Variants in NOTCH3 observed in about 807,000 individuals in gnomAD.
NOTCH3 encodes the protein neurogenic locus notch homolog protein 3.
A neutral mutation model predicts 213.3 loss-of-function variants in NOTCH3; 86 were observed. The observed-to-expected ratio is 0.40, with a 90% CI of 0.34 to 0.48. The LOEUF (loss-of-function observed/expected upper bound fraction) is 0.48, where lower values mean the gene tolerates loss of function less well. Among genes scored for constraint, NOTCH3 ranks in the 20% least tolerant of loss-of-function variants. NOTCH3 has a pLI of 0.57. For missense variants in NOTCH3, 2,783 were observed against 3,272.6 expected (o/e 0.85, Z 3.65); for synonymous variants, 1,354 against 1,355.9 (o/e 1.00, Z 0.03).
At chr19:15,167,639 C>T (rs972392146) in intron 28 of NOTCH3, among the ~76,000 whole-genome samples, 8 of 152,114 alleles carry the variant, frequency 5.3e-5, no homozygotes, top group South Asian at 2.1e-4. Context: ...CTGCAACCCC[C>T]GCCTCCCGGG....
At position 15,170,844 on chromosome 19, in the gene NOTCH3, G is replaced by C. The variant is rs180755159; in HGVS notation, c.4737-19C>G. The C allele has an allele frequency of 1.2e-6, 2 of 1,612,210 alleles. No individual in the cohort carries two copies. The highest frequency in any genetic ancestry group is 1.1e-5 in the South Asian group (1 of 90,740). On this transcript the variant is annotated intron_variant, in intron 25 of 32. Transcript: ENST00000263388. ...TACCGAGCTGCAGGGACAGCAGGGA[G>C]GGACCAGAGGGCTCAAAAATTGCCC...
Position 15,180,197 on chromosome 19 carries a change from G to A in NOTCH3, c.3202C>T (p.His1068Tyr), listed in dbSNP as rs974250630. 4.3e-6 allele frequency: 7 copies of A among 1,613,752 alleles called. No individual in the cohort carries two copies. Among genetic ancestry groups the A allele is most frequent in the East Asian group, 2.2e-5 (1 of 44,884 alleles). ...CGGCCCTCTGGGCACACGCAGTAGT[G>A]GGAGCTGTCTTCATCCACACACTGC... is the stretch of plus-strand genomic sequence containing the variant. ...GGQCVDEDSS[H>Y]YCVCPEGRTG... The change falls in exon 20 of 33, where the codon CAC becomes TAC. Residue 1068 changes from histidine to tyrosine, a missense_variant. Transcript: ENST00000263388.
At position 15,161,644 on chromosome 19, in the gene NOTCH3, A is replaced by G; in HGVS notation, c.5984T>C (p.Phe1995Ser). ...GTGGTCGGTGATCTCACGGTTGGCA[A>G]AGTGGTCCAACAGCAGCTTGGCAGC... ...YEAAKLLLDH[F>S]ANREITDHLD... Residue 1995 changes from phenylalanine (F) to serine (S), a missense_variant, in exon 33 of 33, where the codon TTT becomes TCT. This residue lies in a region of NOTCH3 where 636 missense variants were observed against 801.8 expected (regional missense o/e 0.79). Coordinates refer to ENST00000263388, the MANE Select transcript of NOTCH3 (RefSeq NM_000435.3). 6.2e-7 allele frequency: 1 copy of G among 1,613,856 alleles called. No individual in the cohort carries two copies. Among genetic ancestry groups the G allele is most frequent in the Non-Finnish European group, 8.5e-7 (1 of 1,179,920 alleles).
chr19:15,173,332 G>A (rs191512944), intron 25 of NOTCH3, among the ~76,000 whole-genome samples: 3,595 of 143,304 alleles, frequency 0.025, 143 homozygotes, highest in African/African-American at 0.088. Flanking sequence ...TGAGGCAGGA[G>A]AATGGCATGA....
Position 15,184,786 on chromosome 19 carries a change from G to C in NOTCH3, c.2410+120C>G. 9 of 661,208 alleles carry C rather than the reference G, an allele frequency of 1.4e-5. No individual in the cohort carries two copies. The South Asian group carries it at 1.6e-4, about 12-fold the overall frequency. The allele number at this position is 661,208 out of a possible 1,614,324, so 41.0% of individuals were successfully genotyped here. On this transcript the variant is annotated intron_variant, in intron 15 of 32. Transcript: ENST00000263388. Reference sequence around the variant, plus strand: ...TGTCCAGCTCTGTCCTTCCAAGAAGGAAGCCCCTCTCAAAGGCAGGGCTGG... The same window carrying C: ...TGTCCAGCTCTGTCCTTCCAAGAAGCAAGCCCCTCTCAAAGGCAGGGCTGG...
rs542336331 is a variant in NOTCH3, at chr19:15,190,983, A to C, written c.1036+441T>G. On this transcript the variant is annotated intron_variant, in intron 6 of 32. Coordinates refer to ENST00000263388, the MANE Select transcript of NOTCH3 (RefSeq NM_000435.3). ...CGATCCTCCCATCTTGGCCTCCCAAAGTGCTGGGATTACAGGCATGAGCCA... is the reference window on the plus strand; with the variant it reads ...CGATCCTCCCATCTTGGCCTCCCAACGTGCTGGGATTACAGGCATGAGCCA... Among the ~76,000 whole-genome samples, 9 of 151,982 alleles carry C rather than the reference A, an allele frequency of 5.9e-5. No homozygotes were observed. The East Asian group carries it at 1.7e-3, about 29-fold the overall frequency.
chr19:15,186,870 T>C lies in NOTCH3; in HGVS notation c.1951+8A>G. The C allele has an allele frequency of 6.2e-7, 1 of 1,611,772 alleles. No homozygotes were observed. ...AAGGACCCCCTCTCATGGCAGCCAC[T>C]TGCCCACCTGTGAAGCCAGGTTGGC... On this transcript the variant is annotated splice_region_variant and intron_variant, in intron 12 of 32. Transcript: ENST00000263388.
At position 15,170,845 on chromosome 19, in the gene NOTCH3, G is replaced by A. The variant is rs1393381474; in HGVS notation, c.4737-20C>T. On this transcript the variant is annotated intron_variant, in intron 25 of 32. Coordinates refer to ENST00000263388, the MANE Select transcript of NOTCH3 (RefSeq NM_000435.3). ...ACCGAGCTGCAGGGACAGCAGGGAG[G>A]GACCAGAGGGCTCAAAAATTGCCCG... 2 of 1,612,172 alleles carry A rather than the reference G, an allele frequency of 1.2e-6. No homozygotes were observed. Among genetic ancestry groups the A allele is most frequent in the African/African-American group, 2.7e-5 (2 of 74,994 alleles).
chr19:15,180,267 G>A lies in NOTCH3; in HGVS notation c.3143-11C>T. On this transcript the variant is annotated splice_polypyrimidine_tract_variant and intron_variant, in intron 19 of 32. Transcript: ENST00000263388. ...GCTCCAGCCGCACCCCTGCAAAGAG[G>A]AGAGTGGCACAGGAACAGAGGTAAC... The A allele has an allele frequency of 2.5e-6, 4 of 1,613,556 alleles. No homozygotes were observed. Among genetic ancestry groups the A allele is most frequent in the Non-Finnish European group, 3.4e-6 (4 of 1,179,966 alleles).
rs781109558 is a variant in NOTCH3, at chr19:15,170,949, A to G, written c.4737-124T>C. 3 of 1,047,680 alleles carry G rather than the reference A, an allele frequency of 2.9e-6. No homozygotes were observed. The South Asian group carries it at 4.2e-5, about 15-fold the overall frequency. The allele number at this position is 1,047,680 out of a possible 1,614,324, so 64.9% of individuals were successfully genotyped here. A position where few individuals can be genotyped will look rare whatever the true frequency, so the allele number is the denominator to read the frequency against. On this transcript the variant is annotated intron_variant, in intron 25 of 32. Coordinates refer to ENST00000263388, the MANE Select transcript of NOTCH3 (RefSeq NM_000435.3). ...GCGCCATCTCCACCCACAGGTCTCC[A>G]TGGCCCACCTGCATCCACCTGGCAT...
At chr19:15,197,740 C>G (rs920628502) in intron 1 of NOTCH3, among the ~76,000 whole-genome samples, 162 bp from the exon 2 acceptor site, 14 of 77,258 alleles carry the variant, frequency 1.8e-4, no homozygotes, top group Admixed American at 6.7e-4. Flanking sequence ...CCACGCCCCC[C>G]CCCCCCCCGC....
chr19:15,200,813 C>T lies in NOTCH3; in HGVS notation c.93G>A (p.Leu31=), dbSNP rs1246904148. ...PPPVRALPLL[L]LLAGPGAAAP... The stretch of plus-strand genomic sequence containing the variant: ...CTGCAGCCCCCGGCCCCGCTAGCAG[C>T]AGCAGCAGGGGCAGCGCCCGCACGG... The change falls in exon 1 of 33, where the codon CTG becomes CTA. Residue 31 remains leucine (L), a synonymous_variant. Transcript: ENST00000263388. The T allele has an allele frequency of 2.4e-6, 3 of 1,260,116 alleles. No individual in the cohort carries two copies. Among genetic ancestry groups the T allele is most frequent in the Non-Finnish European group, 3.0e-6 (3 of 995,384 alleles). 78.1% of individuals were successfully genotyped at this position (1,260,116 alleles called of 1,614,324 possible). A position where few individuals can be genotyped will look rare whatever the true frequency, so the allele number is the denominator to read the frequency against.
In NOTCH3 at chr19:15,161,419, G is replaced by T; in HGVS notation, c.6209C>A (p.Ala2070Glu). ...SKKSRRPPGKAGLGPQGPRGR... is the reference protein window; with the variant it reads ...SKKSRRPPGKEGLGPQGPRGR... ...CCGGGGCCCCTGCGGCCCCAGCCCC[G>T]CCTTCCCGGGGGGCCTCCTGCTCTT... The change falls in exon 33 of 33, where the codon GCG becomes GAG. Residue 2070 changes from alanine (A) to glutamate (E), a missense_variant. Transcript: ENST00000263388. The T allele has an allele frequency of 6.5e-7, 1 of 1,530,174 alleles. No individual in the cohort carries two copies. The allele number at this position is 1,530,174 out of a possible 1,614,324, so 94.8% of individuals were successfully genotyped here.
At chr19:15,164,572 A>G (rs1481697578) in intron 31 of NOTCH3, among the ~76,000 whole-genome samples, 2 of 151,790 alleles carry the variant, frequency 1.3e-5, no homozygotes, top group Non-Finnish European at 2.9e-5. Context: ...GGGCAACATA[A>G]GGAGAAAAAA....
chr19:15,182,850 C>T (rs2046851591), intron 16 of NOTCH3, among the ~76,000 whole-genome samples: 1 of 152,108 alleles, frequency 6.6e-6, no homozygotes, highest in South Asian at 2.1e-4. Flanking sequence ...CCATGTTGGT[C>T]AGGCTGGTCT....
In NOTCH3 at chr19:15,160,345, C is replaced by A; in HGVS notation, c.*317G>T. On this transcript the variant is annotated 3_prime_UTR_variant, in exon 33 of 33. Transcript: ENST00000263388. ...AAAATAAAAATAATAATAATTCATTCATGTCAGAGTGTAAGGAAATGAGAG... is the reference window on the plus strand; with the variant it reads ...AAAATAAAAATAATAATAATTCATTAATGTCAGAGTGTAAGGAAATGAGAG... 1 of 305,594 alleles carries A rather than the reference C, an allele frequency of 3.3e-6. No individual in the cohort carries two copies. The highest frequency in any genetic ancestry group is 6.0e-6 in the Non-Finnish European group (1 of 167,276). The allele number at this position is 305,594 out of a possible 1,614,324, so 18.9% of individuals were successfully genotyped here.
Position 15,161,249 on chromosome 19 carries a change from A to T in NOTCH3, c.6379T>A (p.Tyr2127Asn), listed in dbSNP as rs2046639391. The change falls in exon 33 of 33, where the codon TAT (tyrosine) becomes AAT (asparagine). Residue 2127 changes from tyrosine to asparagine, a missense_variant. Tyr to Asn is a moderately radical substitution (Grantham distance 143). This residue lies in a region of NOTCH3 where 441 missense variants were observed against 432.1 expected (regional missense o/e 1.02). Transcript: ENST00000263388. ...SPGGFPLEGP[Y>N]AAATATAVSL... ...ACTGCAGTGGCAGTGGCAGCTGCAT[A>T]GGGCCCCTCAAGGGGGAAGCCACCA... 2.6e-6 allele frequency: 4 copies of T among 1,547,312 alleles called. No individual in the cohort carries two copies. The highest frequency in any genetic ancestry group is 3.5e-6 in the Non-Finnish European group (4 of 1,150,704).
Position 15,187,940 on chromosome 19 carries a change from C to A in NOTCH3, c.1547G>T (p.Cys516Phe), listed in dbSNP as rs2046897026. The A allele has an allele frequency of 3.9e-6, 6 of 1,550,454 alleles. No homozygotes were observed. Among genetic ancestry groups the A allele is most frequent in the Non-Finnish European group, 5.2e-6 (6 of 1,146,984 alleles). Residue 516 changes from cysteine to phenylalanine, a missense_variant, in exon 10 of 33, where the codon TGC (cysteine) becomes TTC (phenylalanine). Cys to Phe is a radical substitution (Grantham distance 205, BLOSUM62 -2). Transcript: ENST00000263388. ...GTCCACGCATTTGGCGCCATTCCTG[C>A]AGGGCGTGCTGGCGCATTCGTCCAC... ...LDVDECASTP[C>F]RNGAKCVDQP...
rs2046888614 is a variant in NOTCH3 at position 15,187,140 on chromosome 19, T to G, written c.1805A>C (p.Asp602Ala). The G allele has an allele frequency of 1.2e-6, 2 of 1,613,998 alleles. No homozygotes were observed. The highest frequency in any genetic ancestry group is 1.3e-5 in the African/African-American group (1 of 74,930). The change falls in exon 11 of 33, where the codon GAC becomes GCC. Residue 602 changes from aspartate to alanine, a missense_variant. Physicochemically the swap from Asp to Ala is moderately radical, Grantham distance 126. This residue lies in a region of NOTCH3 where 708 missense variants were observed against 906.6 expected (regional missense o/e 0.78). Coordinates refer to ENST00000263388, the MANE Select transcript of NOTCH3 (RefSeq NM_000435.3). The stretch of plus-strand genomic sequence containing the variant: ...AGAAGGGCAGCGGCAGAGGTACTTG[T>G]CCACCAGGTCTAGGCATTTGCCGCC... ...RHGGKCLDLVDKYLCRCPSGT... is the reference protein window; with the variant it reads ...RHGGKCLDLVAKYLCRCPSGT...
Sources: gnomAD v4.1 joint callset for allele counts (sites outside exome capture counted in the v4.1 genomes callset) on GRCh38, gnomAD v4.1.1 for gene constraint, gnomAD v4.1.1 regional missense constraint, MANE v1.5 for transcripts, NCBI Gene and HGNC (gene_info 2026-07-23, HGNC 2026-07-21) for gene names.